TTN: variants seen among roughly 807,000 people sequenced by gnomAD.
The protein encoded by TTN is titin.
Under a neutral mutation model 3,223.0 loss-of-function variants are expected in TTN, and 1,525 were observed. That is an observed-to-expected ratio of 0.47 (90% CI 0.45 to 0.49). TTN has a LOEUF of 0.49. Among genes scored for constraint, TTN ranks in the 20% least tolerant of loss-of-function variants. The pLI is 0.00. For missense variants in TTN, 40,786 were observed against 43,424.0 expected (o/e 0.94, Z 5.40); for synonymous variants, 14,094 against 15,161.0 (o/e 0.93, Z 5.17).
Position 178,529,059 on chromosome 2 carries a change from T to A in TTN, c.106692A>T (p.Lys35564Asn). The stretch of plus-strand genomic sequence containing the variant: ...AAATCAGAACCTTTGAAGCTTCCTC[T>A]TTGAGGGCTAACTTTTCTTGAGATT... ...EAKSQEKLAL[K>N]EEASKVLISE... is the part of the protein sequence containing the mutation. Residue 35564 changes from lysine (K) to asparagine (N), a missense_variant, in exon 360 of 363, where the codon AAA (lysine) becomes AAT (asparagine). Coordinates refer to ENST00000589042, the MANE Select transcript of TTN (RefSeq NM_001267550.2). The A allele has an allele frequency of 6.2e-7, 1 of 1,613,876 alleles. No individual in the cohort carries two copies. Among genetic ancestry groups the A allele is most frequent in the Non-Finnish European group, 8.5e-7 (1 of 1,179,838 alleles).
In TTN at chr2:178,777,287, A is replaced by C. The variant is rs1262171318; in HGVS notation, c.4676T>G (p.Val1559Gly). 6.2e-7 allele frequency: 1 copy of C among 1,613,976 alleles called. No homozygotes were observed. Among genetic ancestry groups the C allele is most frequent in the South Asian group, 1.1e-5 (1 of 91,084 alleles). Residue 1559 changes from valine (V) to glycine (G), a missense_variant, in exon 27 of 363, where the codon GTA becomes GGA. By Grantham distance (109) the Val-to-Gly change is moderately radical. Transcript: ENST00000589042. Reference sequence around the variant, plus strand: ...TATATTGACATTTTTCAGTTTTTCTACAAACATCGGTTTTACCTGATGTTC... The same window carrying C: ...TATATTGACATTTTTCAGTTTTTCTCCAAACATCGGTTTTACCTGATGTTC... ...AVEHQVKPMF[V>G]EKLKNVNIKE...
At position 178,587,896 on chromosome 2, in the gene TTN, T is replaced by C; in HGVS notation, c.63508+3A>G. 6.3e-7 allele frequency: 1 copy of C among 1,586,190 alleles called. No individual in the cohort carries two copies. Among genetic ancestry groups the C allele is most frequent in the Non-Finnish European group, 8.6e-7 (1 of 1,164,110 alleles). The stretch of plus-strand genomic sequence containing the variant: ...TGAATCACATGCTAAGGGAAGGACT[T>C]ACCTAGTATTTCTTTAGGTTTGATA... On this transcript the variant is annotated splice_donor_region_variant and intron_variant, in intron 305 of 362. Coordinates refer to ENST00000589042, the MANE Select transcript of TTN (RefSeq NM_001267550.2).
At position 178,607,389 on chromosome 2, in the gene TTN, A is replaced by G; in HGVS notation, c.53287+12T>C. 6.2e-7 allele frequency: 1 copy of G among 1,613,032 alleles called. No individual in the cohort carries two copies. Among genetic ancestry groups the G allele is most frequent in the Non-Finnish European group, 8.5e-7 (1 of 1,179,360 alleles). ...GGGAAAATCCTGTGAAAATCAGTGC[A>G]ACATTCCTTACCAAAAACTTCTACC... On this transcript the variant is annotated intron_variant, in intron 277 of 362. Transcript: ENST00000589042.
rs202191466 is a variant in TTN, at chr2:178,571,272, G to A, written c.74860C>T (p.Leu24954Phe). The A allele has an allele frequency of 2.5e-5, 40 of 1,613,316 alleles. No individual in the cohort carries two copies. In the Admixed American group the frequency reaches 4.5e-4, roughly 18 times the overall value. The change falls in exon 326 of 363, where the codon CTC (leucine) becomes TTC (phenylalanine). Residue 24954 changes from leucine (L) to phenylalanine (F), a missense_variant. Coordinates refer to ENST00000589042, the MANE Select transcript of TTN (RefSeq NM_001267550.2). ...HLERKERNSI[L>F]WVKLNKTPIP... Reference sequence around the variant, plus strand: ...GGTGTTTTATTCAACTTAACCCAGAGGATGCTATTTCTTTCCTTGCGTTCT... The same window carrying A: ...GGTGTTTTATTCAACTTAACCCAGAAGATGCTATTTCTTTCCTTGCGTTCT...
chr2:178,765,443 A>G (rs1273113823), intron 41 of TTN, among the ~76,000 whole-genome samples: 1 of 152,196 alleles, frequency 6.6e-6, no homozygotes, highest in Non-Finnish European at 1.5e-5. Context: ...CATGGAACCC[A>G]GAAATTAGAA....
intron 9 of TTN, 38 bp from the exon 10 acceptor site, chr2:178,792,235 A>T: frequency 6.3e-7 from 1 of 1,577,414 alleles, no homozygotes; most frequent in Non-Finnish European, 8.6e-7. Context: ...TTATTTCCTG[A>T]TGCCCAATGA....
rs2154140546 is a variant in TTN at position 178,540,215 on chromosome 2, T to TA, written c.97950dup (p.Asn32651Ter). 6.2e-7 allele frequency: 1 copy of TA among 1,613,810 alleles called. No individual in the cohort carries two copies. The highest frequency in any genetic ancestry group is 8.5e-7 in the Non-Finnish European group (1 of 1,179,762). The stretch of plus-strand genomic sequence containing the variant: ...TCTCGAATCTTGGTTGGAGTGGTGT[T>TA]ACACTTGGTCCATTCATGTTGATCT... On this transcript the variant is annotated frameshift_variant, in exon 351 of 363. Coordinates refer to ENST00000589042, the MANE Select transcript of TTN (RefSeq NM_001267550.2). LOFTEE classifies it high-confidence loss of function.
chr2:178,744,039 C>T (rs568330180), intron 47 of TTN, among the ~76,000 whole-genome samples: 1 of 151,896 alleles, frequency 6.6e-6, no homozygotes, highest in South Asian at 2.1e-4. Context: ...AGAGAATTCC[C>T]ATGTTGAGAA....
Position 178,713,986 on chromosome 2 carries a change from T to C in TTN, c.26672A>G (p.Asn8891Ser), listed in dbSNP as rs146057575. 2.6e-4 allele frequency: 423 copies of C among 1,613,684 alleles called. 6 individuals are homozygous for C. The Middle Eastern group carries it at 0.015, about 55-fold the overall frequency. The part of the protein sequence containing the change: ...FNKVSGLKII[N>S]VAPSDSGVYS... ...TACCCCACTGTCACTCGGTGCTACATTGATGATCTTAAGGCCGGATACTTT... is the reference window on the plus strand; with the variant it reads ...TACCCCACTGTCACTCGGTGCTACACTGATGATCTTAAGGCCGGATACTTT... The change falls in exon 92 of 363, where the codon AAT (asparagine) becomes AGT (serine). Residue 8891 changes from asparagine (N) to serine (S), a missense_variant. Transcript: ENST00000589042.
At chr2:178,542,090 G>C (rs1045749766) in intron 349 of TTN, 174 bp downstream of exon 349, 1 of 581,490 alleles carries the variant, frequency 1.7e-6, no homozygotes. Flanking sequence ...GAAAACCTCT[G>C]AGAAAAGGAG....
Position 178,552,916 on chromosome 2 carries a change from A to C in TTN, c.89984T>G (p.Ile29995Arg), listed in dbSNP as rs754676727. ...HKCSSTSFKLIDLSEKTPFFF... is the reference protein window; with the variant it reads ...HKCSSTSFKLRDLSEKTPFFF... ...GAATGGAGTCTTCTCCGACAAATCTATTAGCTTGAAGGATGTGCTAGAACA... is the reference window on the plus strand; with the variant it reads ...GAATGGAGTCTTCTCCGACAAATCTCTTAGCTTGAAGGATGTGCTAGAACA... The change falls in exon 335 of 363, where the codon ATA becomes AGA. Residue 29995 changes from isoleucine to arginine, a missense_variant. Transcript: ENST00000589042. 1.9e-6 allele frequency: 3 copies of C among 1,613,608 alleles called. No individual in the cohort carries two copies. The African/African-American group carries it at 4.0e-5, about 22-fold the overall frequency.
chr2:178,794,927 T>C lies in TTN; in HGVS notation c.1240A>G (p.Lys414Glu). The change falls in exon 7 of 363, where the codon AAA becomes GAA. Residue 414 changes from lysine to glutamate, a missense_variant. Transcript: ENST00000589042. ...YAAEAVATGA[K>E]EVKQDADKSA... ...CAAAACCATTCTGACAGTACCTCTT[T>C]AGCACCAGTGGCAACAGCCTCTGCT... 1 of 1,601,744 alleles carries C rather than the reference T, an allele frequency of 6.2e-7. No homozygotes were observed. The highest frequency in any genetic ancestry group is 8.5e-7 in the Non-Finnish European group (1 of 1,179,932).
rs759663708 is a variant in TTN, at chr2:178,559,345, T to A, written c.86787A>T (p.Ile28929=). The part of the protein sequence containing the change: ...VSGENEFGVG[I]PAETKEGVKI... ...TTACTCCTTCCTTTGTTTCAGCTGG[T>A]ATACCAACACCAAACTCATTTTCTC... Residue 28929 remains isoleucine, a synonymous_variant, in exon 326 of 363, where the codon ATA becomes ATT. Coordinates refer to ENST00000589042, the MANE Select transcript of TTN (RefSeq NM_001267550.2). 14 of 1,610,064 alleles carry A rather than the reference T, an allele frequency of 8.7e-6. No homozygotes were observed. The East Asian group carries it at 3.1e-4, about 36-fold the overall frequency.
At position 178,539,078 on chromosome 2, in the gene TTN, T is replaced by C. The variant is rs1179770836; in HGVS notation, c.98857A>G (p.Thr32953Ala). ...CCTGTGACAGTGTACATTGTGGTGG[T>C]GATCTGAGTCTTGTTGTGTCTGACC... ...KWVRHNKTQI[T>A]TTMYTVTGLV... Residue 32953 changes from threonine (T) to alanine (A), a missense_variant, in exon 353 of 363, where the codon ACC becomes GCC. Transcript: ENST00000589042. 12 of 1,613,648 alleles carry C rather than the reference T, an allele frequency of 7.4e-6. No individual in the cohort carries two copies. Among genetic ancestry groups the C allele is most frequent in the Non-Finnish European group, 1.0e-5 (12 of 1,179,734 alleles).
chr2:178,788,381 A>C (rs1033882501), intron 13 of TTN, among the ~76,000 whole-genome samples: 2 of 152,108 alleles, frequency 1.3e-5, no homozygotes, highest in African/African-American at 4.8e-5. Context: ...TGGAAACAAA[A>C]GTAAAAAGTT....
In TTN at chr2:178,545,492, A is replaced by C. The variant is rs778060662; in HGVS notation, c.95618T>G (p.Leu31873Arg). 20 of 1,613,492 alleles carry C rather than the reference A, an allele frequency of 1.2e-5. No homozygotes were observed. Among genetic ancestry groups the C allele is most frequent in the Non-Finnish European group, 1.6e-5 (19 of 1,179,614 alleles). Residue 31873 changes from leucine (L) to arginine (R), a missense_variant, in exon 344 of 363, where the codon CTG becomes CGG. Leu to Arg is a moderately radical substitution (Grantham distance 102). Transcript: ENST00000589042. ...GAACTGGTAATCACAACCCTCCATC[A>C]GGCTGGTCACCTTCAGCCTGGTATC... ...VYDTRLKVTS[L>R]MEGCDYQFRV... is the part of the protein sequence containing the mutation.
rs775487654 is a variant in TTN at position 178,632,799 on chromosome 2, G to C, written c.43214-7C>G. 4 of 1,612,892 alleles carry C rather than the reference G, an allele frequency of 2.5e-6. No individual in the cohort carries two copies. In the South Asian group the frequency reaches 4.4e-5, roughly 18 times the overall value. Reference sequence around the variant, plus strand: ...ATGAAGATAAGAGGCAATTCTGAAAGAAGTGGACAGTGGATGAAGTCAGAA... The same window carrying C: ...ATGAAGATAAGAGGCAATTCTGAAACAAGTGGACAGTGGATGAAGTCAGAA... On this transcript the variant is annotated splice_polypyrimidine_tract_variant and splice_region_variant and intron_variant, in intron 234 of 362. Transcript: ENST00000589042.
intron 342 of TTN, 44 bp from the exon 343 acceptor site, chr2:178,546,160 C>T (rs1241043346): frequency 3.2e-6 from 5 of 1,586,644 alleles, no homozygotes; most frequent in Non-Finnish European, 4.3e-6. Flanking sequence ...ATCATTCTTT[C>T]TGCCCACACT....
In TTN at chr2:178,717,246, A is replaced by C. The variant is rs1220776486; in HGVS notation, c.25488T>G (p.Ile8496Met). The part of the protein sequence containing the change: ...KITWAKDNRE[I>M]RPGGNYKMTL... The stretch of plus-strand genomic sequence containing the variant: ...TCATCTTGTAGTTGCCTCCAGGGCG[A>C]ATCTCTCGGTTATCTTTGGCCCAAG... Residue 8496 changes from isoleucine (I) to methionine (M), a missense_variant, in exon 88 of 363, where the codon ATT becomes ATG. By Grantham distance (10) the Ile-to-Met change is conservative. Transcript: ENST00000589042. 3 of 1,613,716 alleles carry C rather than the reference A, an allele frequency of 1.9e-6. No homozygotes were observed. Among genetic ancestry groups the C allele is most frequent in the Non-Finnish European group, 2.5e-6 (3 of 1,179,686 alleles).
Sources: allele counts gnomAD v4.1 joint callset (sites outside exome capture counted in the v4.1 genomes callset), GRCh38; gene constraint gnomAD v4.1.1; transcripts MANE v1.5; gene names NCBI Gene and HGNC (gene_info 2026-07-23, HGNC 2026-07-21).